The following TNPO1 variants were observed in gnomAD, a reference collection of about 807,000 sequenced individuals.
TNPO1 encodes the protein transportin-1.
In TNPO1, 8 loss-of-function variants were observed where a neutral mutation model predicts 119.5. The observed-to-expected ratio is 0.07, with a 90% CI of 0.04 to 0.12. TNPO1 has a LOEUF of 0.12. Among genes scored for constraint, TNPO1 ranks in the 10% least tolerant of loss-of-function variants. The pLI is 1.00. For missense variants in TNPO1, 576 were observed against 1,089.8 expected, an observed-to-expected ratio of 0.53 and a Z score of 6.64; for synonymous variants, 362 against 363.0, an observed-to-expected ratio of 1.00 and a Z score of 0.03.
intron 2 of TNPO1, 49 bp downstream of exon 2, chr5:72,848,547 G>C (rs1355871206): frequency 3.0e-6 from 4 of 1,316,078 alleles, no homozygotes; most frequent in Non-Finnish European, 3.1e-6. Context: ...GCCCCGCGCT[G>C]CGGCCCAGCC....
At position 72,910,739 on chromosome 5, in the gene TNPO1, GT is replaced by G. The variant is rs1286007405; in HGVS notation, c.*2069del. 6.6e-6 allele frequency: 1 copy of G among 152,114 alleles called. No individual in the cohort carries two copies. Among genetic ancestry groups the G allele is most frequent in the Non-Finnish European group, 1.5e-5 (1 of 67,942 alleles). The allele number at this position is 152,114 out of a possible 1,614,324, so 9.4% of individuals were successfully genotyped here. On this transcript the variant is annotated 3_prime_UTR_variant, in exon 25 of 25. Transcript: ENST00000337273. ...AGCTGTGTGCGTGTGAATTTATACT[GT>G]TTCAAAAATTTCAAATGCATGGTAG...
chr5:72,893,027 C>G (rs1334581048), intron 15 of TNPO1, 112 bp from the exon 16 acceptor site: 2 of 739,140 alleles, frequency 2.7e-6, no homozygotes, highest in Admixed American at 2.4e-5. Context: ...ACTGTAGAAA[C>G]TAGTAGAGCA....
At chr5:72,900,418 C>G (rs767760085) in intron 21 of TNPO1, among the ~76,000 whole-genome samples, 1 of 152,062 alleles carries the variant, frequency 6.6e-6, no homozygotes, top group Non-Finnish European at 1.5e-5. Context: ...TTTTGCATTA[C>G]GTTTCTTTTT....
At chr5:72,859,107 TACTA>T (rs1746234575) in intron 4 of TNPO1, among the ~76,000 whole-genome samples, 1 of 152,200 alleles carries the variant, frequency 6.6e-6, no homozygotes, top group Non-Finnish European at 1.5e-5. Flanking sequence ...CTTCATCACT[TACTA>T]ACCTTCACAG....
At position 72,816,664 on chromosome 5, in the gene TNPO1, C is replaced by G. The variant is rs1222196098; in HGVS notation, c.-74C>G. 9 of 1,478,738 alleles carry G rather than the reference C, an allele frequency of 6.1e-6. No individual in the cohort carries two copies. Among genetic ancestry groups the G allele is most frequent in the Middle Eastern group, 2.0e-4 (1 of 5,110 alleles). The allele number at this position is 1,478,738 out of a possible 1,614,324, so 91.6% of individuals were successfully genotyped here. A position where few individuals can be genotyped will look rare whatever the true frequency, so the allele number is the denominator to read the frequency against. ...CGGTGAAGCCCAGATTCTCTTTGTT[C>G]CGCAGCCATTTCAGGCCCCGGACAG... On this transcript the variant is annotated 5_prime_UTR_variant, in exon 1 of 25. Coordinates refer to ENST00000337273, the MANE Select transcript of TNPO1 (RefSeq NM_002270.4).
intron 4 of TNPO1, among the ~76,000 whole-genome samples, chr5:72,859,463 A>G (rs1460599409): frequency 6.6e-6 from 1 of 152,212 alleles, no homozygotes; most frequent in African/African-American, 2.4e-5. Context: ...TACTAATAAT[A>G]TATACAATAT....
chr5:72,896,602 G>A, intron 19 of TNPO1, 46 bp downstream of exon 19: 1 of 1,481,606 alleles, frequency 6.7e-7, no homozygotes, highest in Non-Finnish European at 9.3e-7. Context: ...TGGCGCGGTG[G>A]CTCACGCCTG....
chr5:72,879,173 G>A, intron 9 of TNPO1: 1 of 197,000 alleles, frequency 5.1e-6, no homozygotes, highest in Non-Finnish European at 1.1e-5. Context: ...TTGGGCCACA[G>A]CCTTCCAGAC....
intron 1 of TNPO1, 106 bp from the exon 2 acceptor site, chr5:72,848,279 T>G: frequency 7.5e-7 from 1 of 1,329,146 alleles, no homozygotes; most frequent in Non-Finnish European, 9.8e-7. Flanking sequence ...AGCGCTGGGG[T>G]TGTGGTGGCG....
chr5:72,822,908 C>CTTTT (rs56331096), intron 1 of TNPO1, among the ~76,000 whole-genome samples: 3 of 76,082 alleles, frequency 3.9e-5, no homozygotes, highest in South Asian at 5.1e-4. Flanking sequence ...TGGGTCTACA[C>CTTTT]TTTTTTTTTT....
intron 8 of TNPO1, among the ~76,000 whole-genome samples, chr5:72,876,797 T>C (rs550436114): frequency 1.3e-5 from 2 of 152,090 alleles, no homozygotes; most frequent in Non-Finnish European, 2.9e-5. Context: ...TAGGAAACTT[T>C]AAAAATTCAA....
intron 3 of TNPO1, among the ~76,000 whole-genome samples, chr5:72,854,660 A>G (rs1420826844): frequency 3.9e-5 from 6 of 152,186 alleles, no homozygotes; most frequent in Admixed American, 1.3e-4. Flanking sequence ...GCACTTAGCA[A>G]TGTTTAATAA....
intron 3 of TNPO1, among the ~76,000 whole-genome samples, chr5:72,854,433 G>T (rs750971677): frequency 1.3e-5 from 2 of 152,176 alleles, no homozygotes; most frequent in Admixed American, 6.5e-5. Flanking sequence ...ATACTAACTA[G>T]AACAAGCTTG....
intron 24 of TNPO1, among the ~76,000 whole-genome samples, chr5:72,905,780 C>A (rs1259669162): frequency 1.3e-5 from 2 of 152,028 alleles, no homozygotes; most frequent in African/African-American, 4.8e-5. Context: ...TTTTGTAGTC[C>A]CTGCTACTCA....
chr5:72,861,758 G>A (rs1746467600), intron 4 of TNPO1, 50 bp from the exon 5 acceptor site: 1 of 1,323,230 alleles, frequency 7.6e-7, no homozygotes, highest in Non-Finnish European at 1.1e-6. Context: ...ACATGGCAAT[G>A]CCTGACATAA....
intron 3 of TNPO1, among the ~76,000 whole-genome samples, chr5:72,853,144 T>C (rs1745716015): frequency 6.6e-6 from 1 of 152,144 alleles, no homozygotes; most frequent in African/African-American, 2.4e-5. Flanking sequence ...AAGGTGGCTC[T>C]TTCTTGGGAT....
At chr5:72,900,795 G>A in intron 21 of TNPO1, 179 bp from the exon 22 acceptor site, 2 of 411,506 alleles carry the variant, frequency 4.9e-6, no homozygotes, top group Non-Finnish European at 8.8e-6. Flanking sequence ...ACTGTATTGA[G>A]ATAAGATGGG....
At position 72,908,845 on chromosome 5, in the gene TNPO1, C is replaced by T. The variant is rs779341255; in HGVS notation, c.*172C>T. 8.0e-5 allele frequency: 36 copies of T among 448,850 alleles called. No individual in the cohort carries two copies. Among genetic ancestry groups the T allele is most frequent in the Non-Finnish European group, 1.3e-4 (28 of 223,228 alleles). The allele number at this position is 448,850 out of a possible 1,614,324, so 27.8% of individuals were successfully genotyped here. A position where few individuals can be genotyped will look rare whatever the true frequency, so the allele number is the denominator to read the frequency against. Reference sequence around the variant, plus strand: ...GGGAGGGGCGGGAGGGAGGTGTTGCCGTCACTGTATTAAGTCGATGTTGGG... The same window carrying T: ...GGGAGGGGCGGGAGGGAGGTGTTGCTGTCACTGTATTAAGTCGATGTTGGG... On this transcript the variant is annotated 3_prime_UTR_variant, in exon 25 of 25. Coordinates refer to ENST00000337273, the MANE Select transcript of TNPO1 (RefSeq NM_002270.4).
At chr5:72,872,967 G>A (rs952674797) in intron 7 of TNPO1, among the ~76,000 whole-genome samples, 5 of 151,916 alleles carry the variant, frequency 3.3e-5, no homozygotes, top group African/African-American at 4.8e-5. Flanking sequence ...TTTTGGTGGC[G>A]GGGTATGTTT....
Sources: allele counts gnomAD v4.1 joint callset (sites outside exome capture counted in the v4.1 genomes callset), GRCh38; gene constraint gnomAD v4.1.1; transcripts MANE v1.5; gene names NCBI Gene and HGNC (gene_info 2026-07-23, HGNC 2026-07-21).